CCSER1: variants seen among roughly 807,000 people sequenced by gnomAD.
CCSER1 encodes the protein coiled-coil serine rich protein 1.
CCSER1 carries 41 observed loss-of-function variants against 82.0 expected under a neutral mutation model. That is an observed-to-expected ratio of 0.50 (90% CI 0.39 to 0.65). The LOEUF (loss-of-function observed/expected upper bound fraction) is 0.65. CCSER1 is among the 30% of genes least tolerant of loss of function. The pLI is 0.00. For missense variants in CCSER1, 1,119 were observed against 1,064.2 expected, an observed-to-expected ratio of 1.05 and a Z score of -0.72; for synonymous variants, 414 against 383.9, an observed-to-expected ratio of 1.08 and a Z score of -0.92.
intron 10 of CCSER1, among the ~76,000 whole-genome samples, chr4:91,593,050 C>T (rs545659775): frequency 7.0e-6 from 1 of 143,562 alleles, no homozygotes; most frequent in Admixed American, 6.8e-5. Context: ...AGTATTTCTC[C>T]CCTCCCCCAT....
chr4:91,222,581 C>T (rs916901232), intron 10 of CCSER1, among the ~76,000 whole-genome samples: 9 of 152,240 alleles, frequency 5.9e-5, no homozygotes, highest in South Asian at 2.1e-4. Flanking sequence ...CAGGTAAGGC[C>T]TCCCTTTCTA....
At position 91,472,444 on chromosome 4, in the gene CCSER1, C is replaced by A. The variant is rs186529620; in HGVS notation, c.2218-126128C>A. Among the ~76,000 whole-genome samples the A allele has an allele frequency of 1.9e-3, 291 of 152,216 alleles. 1 individual carries two copies. Among genetic ancestry groups the A allele is most frequent in the African/African-American group, 6.5e-3 (271 of 41,534 alleles). On this transcript the variant is annotated intron_variant, in intron 10 of 10. Coordinates refer to ENST00000509176, the MANE Select transcript of CCSER1 (RefSeq NM_001145065.2). Reference sequence around the variant, plus strand: ...CCCATCGTATCAATCAATAGTAAACCCCAATCCTTTCTTTTTGGACTGAGA... The same window carrying A: ...CCCATCGTATCAATCAATAGTAAACACCAATCCTTTCTTTTTGGACTGAGA...
chr4:91,092,013 TATA>T (rs1724010935), intron 10 of CCSER1, among the ~76,000 whole-genome samples: 1 of 152,148 alleles, frequency 6.6e-6, no homozygotes, highest in Non-Finnish European at 1.5e-5. Flanking sequence ...AGGCCTATGA[TATA>T]ATGTTTCATA....
intron 10 of CCSER1, among the ~76,000 whole-genome samples, chr4:91,160,754 TG>T (rs201607727): frequency 9.9e-5 from 15 of 151,260 alleles, no homozygotes; most frequent in Admixed American, 2.6e-4. Flanking sequence ...TTGTTGTTGT[TG>T]TTTTTTTTGT....
At chr4:91,155,432 C>G (rs1730714257) in intron 10 of CCSER1, among the ~76,000 whole-genome samples, 1 of 151,764 alleles carries the variant, frequency 6.6e-6, no homozygotes, top group Non-Finnish European at 1.5e-5. Flanking sequence ...TATAAATTAC[C>G]CAGTGTTGAG....
chr4:91,163,370 A>G (rs1319922063), intron 10 of CCSER1, among the ~76,000 whole-genome samples: 2 of 151,990 alleles, frequency 1.3e-5, no homozygotes, highest in African/African-American at 2.4e-5. Flanking sequence ...CAATTTTGGA[A>G]TAAGTGTGAT....
chr4:90,401,786 C>T (rs1209650352), intron 4 of CCSER1, among the ~76,000 whole-genome samples: 1 of 152,152 alleles, frequency 6.6e-6, no homozygotes, highest in African/African-American at 2.4e-5. Flanking sequence ...GCCTCCGTCT[C>T]CCAAAGTGCA....
intron 8 of CCSER1, among the ~76,000 whole-genome samples, chr4:90,905,429 C>G (rs1208785308): frequency 2.0e-5 from 3 of 151,820 alleles, no homozygotes; most frequent in African/African-American, 7.3e-5. Context: ...CTCCCCCACG[C>G]CTCTTGAACT....
chr4:90,228,587 A>G lies in CCSER1; in HGVS notation c.-41-79657A>G, dbSNP rs1447596531. On this transcript the variant is annotated intron_variant, in intron 1 of 10. Coordinates refer to ENST00000509176, the MANE Select transcript of CCSER1 (RefSeq NM_001145065.2). ...GCCTCTCCTCCTCCAAAGGAACATA[A>G]TTCATCACCAGCAACGGAACAAAGC... Among the ~76,000 whole-genome samples the G allele has an allele frequency of 2.6e-5, 4 of 152,298 alleles. No individual in the cohort carries two copies. In the East Asian group the frequency reaches 5.8e-4, roughly 22 times the overall value.
chr4:90,344,062 A>G (rs2153506186), intron 3 of CCSER1, among the ~76,000 whole-genome samples: 1 of 152,264 alleles, frequency 6.6e-6, no homozygotes, highest in South Asian at 2.1e-4. Flanking sequence ...GCCTCTGGTA[A>G]CCATCCTTTT....
At chr4:91,260,088 G>A (rs1408409739) in intron 10 of CCSER1, among the ~76,000 whole-genome samples, 2 of 152,180 alleles carry the variant, frequency 1.3e-5, no homozygotes, top group African/African-American at 4.8e-5. Flanking sequence ...TCAATTCACA[G>A]CAGTATTAAC....
intron 4 of CCSER1, among the ~76,000 whole-genome samples, chr4:90,416,506 G>A (rs1755813612): frequency 6.6e-6 from 1 of 152,050 alleles, no homozygotes; most frequent in African/African-American, 2.4e-5. Flanking sequence ...CAATAATTAT[G>A]TCTGTCTCAA....
chr4:90,138,904 T>C (rs1724206816), intron 1 of CCSER1, among the ~76,000 whole-genome samples: 1 of 152,246 alleles, frequency 6.6e-6, no homozygotes, highest in Non-Finnish European at 1.5e-5. Context: ...TCTGAGGTCA[T>C]GTGAGGCTGT....
intron 6 of CCSER1, among the ~76,000 whole-genome samples, chr4:90,667,224 A>G (rs1422059014): frequency 6.6e-6 from 1 of 152,172 alleles, no homozygotes; most frequent in Admixed American, 6.5e-5. Context: ...TGAACAATTC[A>G]TTTAAACTTT....
At chr4:91,254,037 C>T (rs1740480521) in intron 10 of CCSER1, among the ~76,000 whole-genome samples, 1 of 152,146 alleles carries the variant, frequency 6.6e-6, no homozygotes, top group African/African-American at 2.4e-5. Context: ...GAGATTTGGT[C>T]AGGGACACAG....
chr4:90,387,416 A>T (rs1219162919), intron 3 of CCSER1, among the ~76,000 whole-genome samples: 5 of 152,202 alleles, frequency 3.3e-5, no homozygotes, highest in Non-Finnish European at 5.9e-5. Context: ...TGACCTTGCC[A>T]AAGAAAAGAG....
At chr4:90,258,998 T>C (rs1356257734) in intron 1 of CCSER1, among the ~76,000 whole-genome samples, 1 of 152,110 alleles carries the variant, frequency 6.6e-6, no homozygotes, top group Non-Finnish European at 1.5e-5. Flanking sequence ...TTTAGGATTG[T>C]TTTTTCTAGT....
chr4:90,903,388 T>C (rs1724960805), intron 8 of CCSER1, among the ~76,000 whole-genome samples: 1 of 152,122 alleles, frequency 6.6e-6, no homozygotes, highest in South Asian at 2.1e-4. Context: ...CCTCCTGCCA[T>C]GATTCTGAGG....
intron 9 of CCSER1, among the ~76,000 whole-genome samples, chr4:91,083,444 A>G (rs1472196544): frequency 6.6e-6 from 1 of 152,140 alleles, no homozygotes; most frequent in East Asian, 1.9e-4. Flanking sequence ...GCATTAGGAG[A>G]TATACCTAAT....
Sources: allele counts gnomAD v4.1 joint callset (sites outside exome capture counted in the v4.1 genomes callset), GRCh38; gene constraint gnomAD v4.1.1; transcripts MANE v1.5; gene names NCBI Gene and HGNC (gene_info 2026-07-23, HGNC 2026-07-21).